Variants in TRPC4AP observed in about 807,000 individuals in gnomAD.
TRPC4AP encodes the protein transient receptor potential cation channel subfamily C member 4 associated protein.
In TRPC4AP, 45 loss-of-function variants were observed where a neutral mutation model predicts 99.0. That is an observed-to-expected ratio of 0.45 (90% confidence interval 0.36 to 0.58). The LOEUF (loss-of-function observed/expected upper bound fraction) is 0.58. Ranked by LOEUF, TRPC4AP falls within the 20% of genes least tolerant of loss-of-function variation. The pLI, the probability that TRPC4AP is intolerant of heterozygous loss-of-function variation, is 0.00. For missense variants in TRPC4AP, 879 were observed against 985.3 expected, an observed-to-expected ratio of 0.89 and a Z score of 1.44; for synonymous variants, 408 against 385.8, an observed-to-expected ratio of 1.06 and a Z score of -0.67.
At chr20:35,082,752 GATAAC>G (rs540324489) in intron 1 of TRPC4AP, among the ~76,000 whole-genome samples, 19 of 152,170 alleles carry the variant, frequency 1.2e-4, no homozygotes, top group Admixed American at 1.2e-3. Flanking sequence ...TCACCACATT[GATAAC>G]ATAAAGGAGA....
intron 17 of TRPC4AP, 52 bp downstream of exon 17, chr20:35,004,406 G>C (rs555554825): frequency 6.7e-7 from 1 of 1,502,022 alleles, no homozygotes; most frequent in Non-Finnish European, 9.1e-7. Flanking sequence ...CAGGACAAAG[G>C]AAGTGGTTTC....
chr20:35,045,124 T>A (rs1169545826), intron 6 of TRPC4AP, among the ~76,000 whole-genome samples: 5 of 152,132 alleles, frequency 3.3e-5, no homozygotes, highest in African/African-American at 1.2e-4. Flanking sequence ...CCTCTGTGTA[T>A]CCCCCATCCA....
chr20:35,049,760 T>C, intron 6 of TRPC4AP, 106 bp downstream of exon 6: 1 of 1,322,786 alleles, frequency 7.6e-7, no homozygotes. Context: ...TAACAAGACA[T>C]AATTTAACAC....
chr20:35,021,901 T>A (rs546945952), intron 8 of TRPC4AP, among the ~76,000 whole-genome samples: 2 of 152,250 alleles, frequency 1.3e-5, no homozygotes, highest in South Asian at 4.1e-4. Flanking sequence ...ATGCTACTGA[T>A]GCAGATGAAC....
chr20:35,044,788 C>T, intron 6 of TRPC4AP, 76 bp from the exon 7 acceptor site: 1 of 1,431,590 alleles, frequency 7.0e-7, no homozygotes. Flanking sequence ...TTTCGCATCC[C>T]CTTACATACG....
rs2082423191 is a variant in TRPC4AP at position 35,002,894 on chromosome 20, G to GC, written c.*251dup. On this transcript the variant is annotated 3_prime_UTR_variant, in exon 19 of 19. Coordinates refer to ENST00000252015, the MANE Select transcript of TRPC4AP (RefSeq NM_015638.3). Reference sequence around the variant, plus strand: ...TCCTCTTACCTCTGGGTGGCCCTGGGCCCCAGGGTTCTGAAGGAAAGGTGG... The same window carrying GC: ...TCCTCTTACCTCTGGGTGGCCCTGGGCCCCCAGGGTTCTGAAGGAAAGGTGG... 1 of 462,582 alleles carries GC rather than the reference G, an allele frequency of 2.2e-6. No homozygotes were observed. Among genetic ancestry groups the GC allele is most frequent in the African/African-American group, 2.0e-5 (1 of 50,906 alleles). 28.7% of individuals were successfully genotyped at this position (462,582 alleles called of 1,614,324 possible).
At chr20:35,085,480 G>T (rs957283482) in intron 1 of TRPC4AP, among the ~76,000 whole-genome samples, 3 of 151,928 alleles carry the variant, frequency 2.0e-5, no homozygotes, top group Non-Finnish European at 4.4e-5. Context: ...GCGTATGGTG[G>T]CATGCGCCTA....
chr20:35,029,335 T>G (rs2083109840), intron 8 of TRPC4AP, among the ~76,000 whole-genome samples: 1 of 152,192 alleles, frequency 6.6e-6, no homozygotes, highest in Admixed American at 6.5e-5. Flanking sequence ...ACTTTCAACC[T>G]ATTTTATCTC....
In TRPC4AP at chr20:35,021,301, C is replaced by T. The variant is rs555095334; in HGVS notation, c.1107G>A (p.Thr369=). Residue 369 remains threonine, a synonymous_variant, in exon 9 of 19, where the codon ACG becomes ACA. Coordinates refer to ENST00000252015, the MANE Select transcript of TRPC4AP (RefSeq NM_015638.3). ...ACTGGGGCAGCTGGGTTCTGGCTGACGTGTGAGGCAGGCCATTCTCCTCAG... is the reference window on the plus strand; with the variant it reads ...ACTGGGGCAGCTGGGTTCTGGCTGATGTGTGAGGCAGGCCATTCTCCTCAG... ...GASEENGLPH[T]SARTQLPQSM... The T allele has an allele frequency of 1.2e-5, 19 of 1,614,170 alleles. No homozygotes were observed. The highest frequency in any genetic ancestry group is 2.7e-5 in the African/African-American group (2 of 75,046).
chr20:35,067,814 G>C (rs893634792), intron 3 of TRPC4AP, among the ~76,000 whole-genome samples: 4 of 152,120 alleles, frequency 2.6e-5, no homozygotes, highest in Non-Finnish European at 5.9e-5. Context: ...GAAATCTATA[G>C]AGACAAAAAG....
chr20:35,050,346 C>T (rs2083665035), intron 5 of TRPC4AP, among the ~76,000 whole-genome samples: 1 of 152,168 alleles, frequency 6.6e-6, no homozygotes, highest in Non-Finnish European at 1.5e-5. Context: ...AGTTCTAATT[C>T]CAGCTGTGTG....
intron 1 of TRPC4AP, among the ~76,000 whole-genome samples, chr20:35,084,638 ATG>A (rs1569155219): frequency 4.4e-5 from 5 of 114,422 alleles, no homozygotes; most frequent in Non-Finnish European, 7.1e-5. Flanking sequence ...ATATGTGTAT[ATG>A]TATGTATGTT....
At chr20:35,089,912 A>T (rs1238330601) in intron 1 of TRPC4AP, among the ~76,000 whole-genome samples, 2 of 152,018 alleles carry the variant, frequency 1.3e-5, no homozygotes, top group Admixed American at 1.3e-4. Context: ...ATAACAGTAT[A>T]AAAATATGGG....
At chr20:35,018,495 C>T (rs760001924) in intron 9 of TRPC4AP, among the ~76,000 whole-genome samples, 63 of 149,300 alleles carry the variant, frequency 4.2e-4, no homozygotes, top group Non-Finnish European at 7.7e-4. Context: ...ACTTGGAGGG[C>T]TGAGGCAAGA....
At chr20:35,086,575 G>GTATATA (rs372161656) in intron 1 of TRPC4AP, among the ~76,000 whole-genome samples, 3,757 of 89,686 alleles carry the variant, frequency 0.042, 377 homozygotes, top group Admixed American at 0.061. Context: ...GTGTGTGTGT[G>GTATATA]TATATATATA....
Position 35,020,684 on chromosome 20 carries a change from C to T in TRPC4AP, c.1218+506G>A, listed in dbSNP as rs143866398. Among the ~76,000 whole-genome samples the T allele has an allele frequency of 2.0e-5, 3 of 152,228 alleles. No individual in the cohort carries two copies. In the East Asian group the frequency reaches 5.8e-4, roughly 29 times the overall value. ...ACTTCTCAATAGTCTTGAGGAGGGC[C>T]GCACTGTTCCAAGCCCTTTTTCCTC... On this transcript the variant is annotated intron_variant, in intron 9 of 18. Coordinates refer to ENST00000252015, the MANE Select transcript of TRPC4AP (RefSeq NM_015638.3).
chr20:35,087,687 G>GAT (rs2084927294), intron 1 of TRPC4AP, among the ~76,000 whole-genome samples: 1 of 152,152 alleles, frequency 6.6e-6, no homozygotes, highest in South Asian at 2.1e-4. Context: ...TTAAGCAAAG[G>GAT]ATTTATAAGA....
intron 10 of TRPC4AP, 112 bp downstream of exon 10, chr20:35,015,896 T>C (rs1334036379): frequency 1.7e-5 from 23 of 1,375,014 alleles, no homozygotes; most frequent in Non-Finnish European, 2.3e-5. Context: ...GATATGATTT[T>C]AGTTTCTGCT....
chr20:35,024,854 A>AAAACAAAAAACAT (rs1479270980), intron 8 of TRPC4AP, among the ~76,000 whole-genome samples: 6 of 89,478 alleles, frequency 6.7e-5, no homozygotes, highest in Non-Finnish European at 1.1e-4. Flanking sequence ...AAAAAAAAAA[A>AAAACAAAAAACAT]ATTCTGTTTA....
Sources: gnomAD v4.1 joint callset for allele counts (sites outside exome capture counted in the v4.1 genomes callset) on GRCh38, gnomAD v4.1.1 for gene constraint, MANE v1.5 for transcripts, NCBI Gene and HGNC (gene_info 2026-07-23, HGNC 2026-07-21) for gene names.